ACBD6: variants seen among roughly 807,000 people sequenced by gnomAD.
The protein encoded by ACBD6 is acyl-CoA binding domain containing 6, also known as acyl-CoA-binding domain-containing protein 6.
Under a neutral mutation model 37.2 loss-of-function variants are expected in ACBD6, and 28 were observed. The observed-to-expected ratio is 0.75, with a 90% confidence interval of 0.56 to 1.03. ACBD6 has a LOEUF of 1.03. Among genes scored for constraint, ACBD6 ranks in the 50% least tolerant of loss-of-function variants. The pLI, the probability that ACBD6 is intolerant of heterozygous loss-of-function variation, is 0.00. For missense variants in ACBD6, 340 were observed against 337.4 expected (o/e 1.01, Z -0.06); for synonymous variants, 113 against 126.8 (o/e 0.89, Z 0.73).
At chr1:180,481,499 A>C (rs1436167695) in intron 3 of ACBD6, among the ~76,000 whole-genome samples, 2 of 152,192 alleles carry the variant, frequency 1.3e-5, no homozygotes, top group African/African-American at 4.8e-5. Context: ...CTCAAATCTT[A>C]ATTCAAAATT....
chr1:180,274,594 C>G, intron 10 of ACBD6: 4 of 1,549,152 alleles, frequency 2.6e-6, no homozygotes, highest in African/African-American at 1.4e-5. Context: ...CTCTCCTCCC[C>G]ACCCTACCTG....
intron 6 of ACBD6, among the ~76,000 whole-genome samples, chr1:180,321,498 T>C (rs929326437): frequency 2.6e-5 from 4 of 152,164 alleles, no homozygotes; most frequent in African/African-American, 9.6e-5. Context: ...ATTGTAGAGA[T>C]CTTTCACTTC....
At chr1:180,422,760 A>G (rs1187285461) in intron 4 of ACBD6, among the ~76,000 whole-genome samples, 3 of 152,220 alleles carry the variant, frequency 2.0e-5, no homozygotes, top group Non-Finnish European at 2.9e-5. Flanking sequence ...AAAAACCACA[A>G]GAGATCACTG....
chr1:180,296,875 C>G (rs892806517), intron 7 of ACBD6, among the ~76,000 whole-genome samples: 1 of 151,964 alleles, frequency 6.6e-6, no homozygotes, highest in Non-Finnish European at 1.5e-5. Flanking sequence ...GCCTGTAATC[C>G]CAGCACTTCG....
intron 5 of ACBD6, among the ~76,000 whole-genome samples, chr1:180,412,599 C>T (rs574366832): frequency 6.6e-6 from 1 of 152,172 alleles, no homozygotes. Flanking sequence ...GGCACAGTGG[C>T]TCATGCCTAT....
chr1:180,372,849 C>CCT (rs1653312329), intron 6 of ACBD6, among the ~76,000 whole-genome samples: 1 of 152,148 alleles, frequency 6.6e-6, no homozygotes, highest in Admixed American at 6.5e-5. Flanking sequence ...AGAACCAAGA[C>CCT]CTCTGGCCAG....
At chr1:180,493,850 T>C (rs1219116347) in intron 2 of ACBD6, among the ~76,000 whole-genome samples, 1 of 152,268 alleles carries the variant, frequency 6.6e-6, no homozygotes, top group African/African-American at 2.4e-5. Flanking sequence ...CCAACTGTTT[T>C]ATAACATATC....
intron 6 of ACBD6, 127 bp downstream of exon 6, chr1:180,397,389 C>T (rs573632401): frequency 1.5e-5 from 13 of 866,254 alleles, no homozygotes; most frequent in African/African-American, 8.3e-5. Context: ...GCAATGATTA[C>T]ACAACATTGT....
rs1424781318 is a variant in ACBD6, at chr1:180,502,181, T to G, written c.86A>C (p.Glu29Ala). Residue 29 changes from glutamate (E) to alanine (A), a missense_variant, in exon 1 of 8, where the codon GAG (glutamate) becomes GCG (alanine). Glu to Ala is a moderately radical substitution (Grantham distance 107). Coordinates refer to ENST00000367595, the MANE Select transcript of ACBD6 (RefSeq NM_032360.4). ...CTCGATCTCAGGGCTATGGGGGAAC[T>G]CCACCTCCCCGGAGTCGTCCCCTGA... The part of the protein sequence containing the change: ...LSSGDDSGEV[E>A]FPHSPEIEET... The G allele has an allele frequency of 6.2e-7, 1 of 1,614,090 alleles. No individual in the cohort carries two copies. The highest frequency in any genetic ancestry group is 1.1e-5 in the South Asian group (1 of 91,082).
At chr1:180,374,836 CAT>C (rs773536451) in intron 6 of ACBD6, among the ~76,000 whole-genome samples, 16 of 151,940 alleles carry the variant, frequency 1.1e-4, no homozygotes, top group Non-Finnish European at 1.8e-4. Flanking sequence ...AAACCTCAAA[CAT>C]ATGAAAAACT....
intron 5 of ACBD6, among the ~76,000 whole-genome samples, chr1:180,410,655 C>T (rs1465669269): frequency 6.7e-6 from 1 of 150,314 alleles, no homozygotes; most frequent in Non-Finnish European, 1.5e-5. Context: ...TTGATACCCA[C>T]TGCTCAGGAA....
chr1:180,362,418 C>T (rs924565286), intron 6 of ACBD6, among the ~76,000 whole-genome samples: 7 of 152,058 alleles, frequency 4.6e-5, no homozygotes, highest in African/African-American at 2.4e-5. Context: ...CAAATGCCAA[C>T]TGACAAAAGA....
chr1:180,300,213 G>A (rs1650079997), intron 7 of ACBD6, among the ~76,000 whole-genome samples: 1 of 152,114 alleles, frequency 6.6e-6, no homozygotes, highest in African/African-American at 2.4e-5. Context: ...TGGATTTAAC[G>A]ATACTTATAG....
intron 3 of ACBD6, among the ~76,000 whole-genome samples, chr1:180,446,992 G>A (rs1450772778): frequency 2.0e-5 from 3 of 152,118 alleles, no homozygotes; most frequent in African/African-American, 7.2e-5. Flanking sequence ...AGTGAGCTGA[G>A]ATAACCCCCG....
At chr1:180,321,385 T>C (rs1325852797) in intron 6 of ACBD6, among the ~76,000 whole-genome samples, 2 of 152,196 alleles carry the variant, frequency 1.3e-5, no homozygotes, top group Non-Finnish European at 2.9e-5. Flanking sequence ...TTGGGTAGTA[T>C]GGACATTTTA....
At chr1:180,402,209 C>A (rs923377176) in intron 5 of ACBD6, among the ~76,000 whole-genome samples, 1 of 152,198 alleles carries the variant, frequency 6.6e-6, no homozygotes, top group Admixed American at 6.5e-5. Flanking sequence ...TACCTGCAAT[C>A]ACCAGAAATT....
chr1:180,486,260 G>T (rs942532939), intron 3 of ACBD6, among the ~76,000 whole-genome samples: 13 of 152,188 alleles, frequency 8.5e-5, no homozygotes, highest in African/African-American at 3.1e-4. Flanking sequence ...CACTGCATAT[G>T]TAAGAATCCA....
intron 3 of ACBD6, among the ~76,000 whole-genome samples, chr1:180,443,048 G>A (rs1200916781): frequency 6.6e-6 from 1 of 151,964 alleles, no homozygotes; most frequent in Non-Finnish European, 1.5e-5. Context: ...TGTAAGCAAG[G>A]CATTGTAATA....
chr1:180,287,741 C>T (rs889365399), downstream of ACBD6, among the ~76,000 whole-genome samples: 2 of 152,004 alleles, frequency 1.3e-5, no homozygotes, highest in Admixed American at 1.3e-4. Flanking sequence ...CTGTTTCAAT[C>T]CTAGAGTGAA....
Sources: gnomAD v4.1 joint callset for allele counts (sites outside exome capture counted in the v4.1 genomes callset) on GRCh38, gnomAD v4.1.1 for gene constraint, MANE v1.5 for transcripts, NCBI Gene and HGNC (gene_info 2026-07-23, HGNC 2026-07-21) for gene names.